The following TEAD1 variants were observed in gnomAD, a reference collection of about 807,000 sequenced individuals.
TEAD1 encodes the protein transcriptional enhancer factor TEF-1.
In TEAD1, 9 loss-of-function variants were observed where a neutral mutation model predicts 54.9. The observed-to-expected ratio is 0.16, with a 90% CI of 0.10 to 0.29. The LOEUF is 0.29. Ranked by LOEUF, TEAD1 falls within the 10% of genes least tolerant of loss-of-function variation. The probability of loss-of-function intolerance (pLI) is 1.00; values close to 1 mark genes in which losing one functional copy is unlikely to be tolerated. For missense variants in TEAD1, 387 were observed against 535.9 expected, an observed-to-expected ratio of 0.72 and a Z score of 2.74; for synonymous variants, 200 against 187.8, an observed-to-expected ratio of 1.07 and a Z score of -0.53.
At chr11:12,853,909 A>C (rs970939626) in intron 3 of TEAD1, among the ~76,000 whole-genome samples, 1 of 152,192 alleles carries the variant, frequency 6.6e-6, no homozygotes, top group African/African-American at 2.4e-5. Flanking sequence ...GAGTTAACAC[A>C]GCCTTTCTCT....
intron 5 of TEAD1, chr11:12,879,369 TCC>T: frequency 7.0e-6 from 4 of 571,696 alleles, no homozygotes; most frequent in African/African-American, 1.9e-5. Flanking sequence ...TTTTTTTTCT[TCC>T]TTAAATGTTT....
chr11:12,729,059 CTAATAT>C (rs1310585070), intron 2 of TEAD1, among the ~76,000 whole-genome samples: 2 of 152,184 alleles, frequency 1.3e-5, no homozygotes, highest in East Asian at 3.9e-4. Flanking sequence ...GTGATTCTCT[CTAATAT>C]TAGAGGAGCC....
intron 3 of TEAD1, among the ~76,000 whole-genome samples, chr11:12,826,449 T>C (rs1354621426): frequency 6.6e-6 from 1 of 152,220 alleles, no homozygotes; most frequent in Admixed American, 6.5e-5. Context: ...ATAGTGGTTT[T>C]TGTCCTGCAA....
At chr11:12,690,160 T>G (rs1460522610) in intron 2 of TEAD1, among the ~76,000 whole-genome samples, 1 of 147,592 alleles carries the variant, frequency 6.8e-6, no homozygotes, top group African/African-American at 2.5e-5. Context: ...GAGAATGGCG[T>G]GAACCCAGGA....
chr11:12,799,071 G>A (rs1326780731), intron 3 of TEAD1, among the ~76,000 whole-genome samples: 1 of 152,196 alleles, frequency 6.6e-6, no homozygotes, highest in Non-Finnish European at 1.5e-5. Context: ...TTTTCTATCT[G>A]TAGACCCATG....
chr11:12,884,377 A>T (rs1250015380), intron 9 of TEAD1, among the ~76,000 whole-genome samples: 1 of 152,052 alleles, frequency 6.6e-6, no homozygotes, highest in Non-Finnish European at 1.5e-5. Flanking sequence ...CATCCTTCCC[A>T]TCTCATAAGT....
At chr11:12,753,671 G>A (rs935659747) in intron 2 of TEAD1, among the ~76,000 whole-genome samples, 1 of 152,064 alleles carries the variant, frequency 6.6e-6, no homozygotes, top group Non-Finnish European at 1.5e-5. Flanking sequence ...TAAATGTGTT[G>A]CAAGTATCTA....
rs144788309 is a variant in TEAD1 at position 12,856,584 on chromosome 11, A to G, written c.203-5666A>G. Among the ~76,000 whole-genome samples, 1,465 of 152,270 alleles carry G rather than the reference A, an allele frequency of 9.6e-3. 26 individuals carry two copies. Among genetic ancestry groups the G allele is most frequent in the African/African-American group, 0.034 (1,398 of 41,560 alleles). On this transcript the variant is annotated intron_variant, in intron 3 of 12. Transcript: ENST00000527636. ...AAACATTCGATAATCTAGTAGTACT[A>G]CTGGGCTGAGCGGGGTGGGGGGATA...
intron 10 of TEAD1, 58 bp downstream of exon 10, chr11:12,902,171 C>CATG (rs1367139094): frequency 3.7e-6 from 6 of 1,604,022 alleles, no homozygotes; most frequent in African/African-American, 1.3e-5. Flanking sequence ...ACATCTCTTA[C>CATG]ATGAGCACAG....
chr11:12,871,984 T>A (rs1333111748), intron 5 of TEAD1, among the ~76,000 whole-genome samples: 1 of 152,172 alleles, frequency 6.6e-6, no homozygotes, highest in Admixed American at 6.5e-5. Context: ...ATGAGCTACA[T>A]GTGCTCCCCC....
intron 2 of TEAD1, among the ~76,000 whole-genome samples, chr11:12,706,623 T>G (rs1173775636): frequency 6.6e-6 from 1 of 152,232 alleles, no homozygotes; most frequent in African/African-American, 2.4e-5. Context: ...TATTTCTAGC[T>G]AACAGTGGAG....
chr11:12,733,747 T>C (rs1027967308), intron 2 of TEAD1, among the ~76,000 whole-genome samples: 2 of 152,264 alleles, frequency 1.3e-5, no homozygotes, highest in African/African-American at 2.4e-5. Context: ...TATGTACATA[T>C]AGTCTAGTGC....
intron 2 of TEAD1, among the ~76,000 whole-genome samples, chr11:12,756,069 G>A (rs191531197): frequency 2.6e-5 from 4 of 152,308 alleles, no homozygotes; most frequent in Admixed American, 2.6e-4. Flanking sequence ...AGGGCTGATG[G>A]AGCGGAGAAT....
At chr11:12,692,565 G>T (rs932998119) in intron 2 of TEAD1, among the ~76,000 whole-genome samples, 4 of 152,096 alleles carry the variant, frequency 2.6e-5, no homozygotes, top group Non-Finnish European at 5.9e-5. Context: ...TGTATTAAAG[G>T]AAAGTACAGT....
chr11:12,809,963 CT>C (rs1462548386), intron 3 of TEAD1, among the ~76,000 whole-genome samples: 2 of 134,930 alleles, frequency 1.5e-5, no homozygotes, highest in South Asian at 2.4e-4. Flanking sequence ...AAAGAAAACT[CT>C]TTCCCCATTC....
chr11:12,819,931 C>T (rs1256916180), intron 3 of TEAD1, among the ~76,000 whole-genome samples: 3 of 151,330 alleles, frequency 2.0e-5, no homozygotes, highest in Non-Finnish European at 2.9e-5. Context: ...TCTTGGAGGG[C>T]ATGGACAGTT....
At chr11:12,721,060 G>A (rs574010281) in intron 2 of TEAD1, among the ~76,000 whole-genome samples, 1 of 152,308 alleles carries the variant, frequency 6.6e-6, no homozygotes, top group African/African-American at 2.4e-5. Context: ...TGACTACCCT[G>A]TGTTTAGTTA....
chr11:12,732,951 C>G (rs1383477638), intron 2 of TEAD1, among the ~76,000 whole-genome samples: 2 of 152,172 alleles, frequency 1.3e-5, no homozygotes, highest in Admixed American at 1.3e-4. Context: ...ACTGATTACT[C>G]TTAGATCAGA....
chr11:12,805,533 C>T (rs945278244), intron 3 of TEAD1, among the ~76,000 whole-genome samples: 1 of 152,144 alleles, frequency 6.6e-6, no homozygotes, highest in African/African-American at 2.4e-5. Context: ...TAAAAATGAT[C>T]TCTGATGTAG....
Sources: allele counts gnomAD v4.1 joint callset (sites outside exome capture counted in the v4.1 genomes callset), GRCh38; gene constraint gnomAD v4.1.1; transcripts MANE v1.5; gene names NCBI Gene and HGNC (gene_info 2026-07-23, HGNC 2026-07-21).